Variants in TBC1D32 observed in about 807,000 individuals in gnomAD.
TBC1D32 encodes the protein protein broad-minded.
A neutral mutation model predicts 170.3 loss-of-function variants in TBC1D32; 151 were observed. The observed-to-expected ratio is 0.89, with a 90% CI of 0.78 to 1.01. TBC1D32 has a LOEUF of 1.01. TBC1D32 is among the 50% of genes least tolerant of loss of function. TBC1D32 has a pLI of 0.00. For missense variants in TBC1D32, 1,464 were observed against 1,457.1 expected (o/e 1.00, Z -0.08); for synonymous variants, 498 against 488.0 (o/e 1.02, Z -0.27).
In TBC1D32 at chr6:121,176,371, G is replaced by C. The variant is rs1787763787; in HGVS notation, c.2571-15315C>G. On this transcript the variant is annotated intron_variant, in intron 22 of 31. Transcript: ENST00000398212. ...AGAGAATTTCTAACCTGTTTGAACA[G>C]GAAGGGGGCCAATATAGCTGAAGTG... 2.0e-5 allele frequency among the ~76,000 whole-genome samples: 3 copies of C among 152,224 alleles called. No homozygotes were observed. The South Asian group carries it at 6.2e-4, about 32-fold the overall frequency.
chr6:121,115,225 C>G lies in TBC1D32; in HGVS notation c.3000G>C (p.Val1000=). ...SVEYTATDAN[V]KNESLSSVQQ... ...GCACAGATGAAAGACTTTCATTCTTCACATTTGCATCAGTAGCTAAAGACA... is the reference window on the plus strand; with the variant it reads ...GCACAGATGAAAGACTTTCATTCTTGACATTTGCATCAGTAGCTAAAGACA... Residue 1000 remains valine (V), a synonymous_variant, in exon 27 of 32, where the codon GTG becomes GTC. Transcript: ENST00000398212. The G allele has an allele frequency of 4.4e-6, 7 of 1,599,448 alleles. No individual in the cohort carries two copies. Among genetic ancestry groups the G allele is most frequent in the Non-Finnish European group, 6.0e-6 (7 of 1,171,274 alleles).
intron 22 of TBC1D32, among the ~76,000 whole-genome samples, chr6:121,183,369 A>G (rs887549103): frequency 6.6e-6 from 1 of 152,132 alleles, no homozygotes; most frequent in African/African-American, 2.4e-5. Context: ...TGAAGATGAT[A>G]AAGACATAAC....
chr6:121,174,189 A>G (rs1398671566), intron 22 of TBC1D32, among the ~76,000 whole-genome samples: 2 of 152,184 alleles, frequency 1.3e-5, no homozygotes, highest in Non-Finnish European at 2.9e-5. Flanking sequence ...AGTAAAAAAG[A>G]AAACAGATAC....
intron 10 of TBC1D32, among the ~76,000 whole-genome samples, chr6:121,298,260 A>C (rs1805953197): frequency 6.6e-6 from 1 of 152,130 alleles, no homozygotes; most frequent in Non-Finnish European, 1.5e-5. Context: ...TACATAAAAT[A>C]TTTGACTAAG....
intron 31 of TBC1D32, among the ~76,000 whole-genome samples, chr6:121,089,540 C>A (rs1377927908): frequency 1.3e-5 from 2 of 152,132 alleles, no homozygotes; most frequent in Admixed American, 1.3e-4. Context: ...TCCAAATCAC[C>A]TCTTAGAGAG....
chr6:121,155,016 A>C (rs192153542), intron 24 of TBC1D32, among the ~76,000 whole-genome samples: 4 of 152,162 alleles, frequency 2.6e-5, no homozygotes, highest in Non-Finnish European at 4.4e-5. Context: ...ATTTCAGAAT[A>C]CATATTTCTA....
intron 26 of TBC1D32, among the ~76,000 whole-genome samples, chr6:121,125,537 G>A (rs532346601): frequency 2.0e-5 from 3 of 151,902 alleles, no homozygotes; most frequent in Admixed American, 6.6e-5. Context: ...CTGCACAAGT[G>A]GGGGTAGTTC....
chr6:121,141,173 G>C (rs1782740294), intron 24 of TBC1D32, among the ~76,000 whole-genome samples: 1 of 152,064 alleles, frequency 6.6e-6, no homozygotes, highest in African/African-American at 2.4e-5. Context: ...TACTCTTAGA[G>C]AAATAAACAA....
chr6:121,307,343 T>C (rs983811947), intron 5 of TBC1D32, among the ~76,000 whole-genome samples: 7 of 151,918 alleles, frequency 4.6e-5, no homozygotes, highest in Non-Finnish European at 1.0e-4. Context: ...GCCACTACAC[T>C]CTAGCCTGAG....
intron 15 of TBC1D32, among the ~76,000 whole-genome samples, chr6:121,257,684 T>C (rs1043193996): frequency 2.0e-5 from 3 of 152,200 alleles, no homozygotes; most frequent in Admixed American, 1.3e-4. Context: ...AAGTGTATTT[T>C]TTGTTTGTTT....
Position 121,317,562 on chromosome 6 carries a change from A to G in TBC1D32, c.428T>C (p.Ile143Thr), listed in dbSNP as rs1393352392. 12 of 1,612,684 alleles carry G rather than the reference A, an allele frequency of 7.4e-6. No homozygotes were observed. The highest frequency in any genetic ancestry group is 9.3e-6 in the Non-Finnish European group (11 of 1,179,366). Residue 143 changes from isoleucine to threonine, a missense_variant, in exon 3 of 32, where the codon ATC (isoleucine) becomes ACC (threonine). Physicochemically the swap from Ile to Thr is moderately conservative, Grantham distance 89. Transcript: ENST00000398212. ...GTAACTATGGCTTTTCTCCTTTTGGATTTTTTTCTGCCTTTCTTGATTTCG... is the reference window on the plus strand; with the variant it reads ...GTAACTATGGCTTTTCTCCTTTTGGGTTTTTTTCTGCCTTTCTTGATTTCG... Reference protein sequence around the residue: ...ETRNQERQKKIQKEKSHSYRT... With the variant: ...ETRNQERQKKTQKEKSHSYRT...
chr6:121,309,701 T>C (rs1029650132), intron 4 of TBC1D32, among the ~76,000 whole-genome samples: 3 of 152,150 alleles, frequency 2.0e-5, no homozygotes, highest in African/African-American at 7.2e-5. Context: ...TCTCTTAAAA[T>C]ATAAACAGAC....
chr6:121,140,324 G>A (rs1582933302), intron 24 of TBC1D32, among the ~76,000 whole-genome samples: 1 of 133,488 alleles, frequency 7.5e-6, no homozygotes, highest in South Asian at 2.2e-4. Context: ...ATTACATCAG[G>A]TTGGGGCAAA....
chr6:121,281,583 T>C lies in TBC1D32; in HGVS notation c.1569A>G (p.Thr523=). The change falls in exon 14 of 32, where the codon ACA becomes ACG. Residue 523 remains threonine, a synonymous_variant. Transcript: ENST00000398212. ...TTAAATTGTGAATAGGCTGAAGAAG[T>C]GTCTCTATTACAATGTTGTTATATA... is the stretch of plus-strand genomic sequence containing the variant. ...ECLYNNIVIE[T]LLQPIHNLMK... The C allele has an allele frequency of 1.9e-6, 3 of 1,606,484 alleles. No homozygotes were observed. The highest frequency in any genetic ancestry group is 2.6e-6 in the Non-Finnish European group (3 of 1,175,892).
intron 15 of TBC1D32, among the ~76,000 whole-genome samples, chr6:121,260,259 T>G (rs1016595995): frequency 4.0e-5 from 6 of 151,660 alleles, no homozygotes; most frequent in African/African-American, 1.5e-4. Flanking sequence ...TGATGAGAAA[T>G]ACAGAAAGCA....
chr6:121,299,948 A>G (rs1806217052), intron 9 of TBC1D32, among the ~76,000 whole-genome samples: 1 of 152,180 alleles, frequency 6.6e-6, no homozygotes, highest in African/African-American at 2.4e-5. Context: ...CAGTACCCTA[A>G]TCATTTTCTG....
At chr6:121,267,690 G>A (rs148159471) in intron 15 of TBC1D32, among the ~76,000 whole-genome samples, 3,650 of 152,244 alleles carry the variant, frequency 0.024, 165 homozygotes, top group East Asian at 0.12. Flanking sequence ...CTGGGGACAG[G>A]GCATAGCTGA....
intron 9 of TBC1D32, among the ~76,000 whole-genome samples, chr6:121,302,714 GA>G (rs1319830741): frequency 3.3e-5 from 5 of 151,716 alleles, no homozygotes; most frequent in Non-Finnish European, 5.9e-5. Flanking sequence ...TGATAATCAA[GA>G]AAAAAATTTA....
intron 10 of TBC1D32, among the ~76,000 whole-genome samples, chr6:121,297,952 C>G (rs1318443614): frequency 6.6e-6 from 1 of 151,896 alleles, no homozygotes; most frequent in Non-Finnish European, 1.5e-5. Context: ...GCTAAACAGG[C>G]TGCTATGAGT....
Sources: allele counts gnomAD v4.1 joint callset (sites outside exome capture counted in the v4.1 genomes callset), GRCh38; gene constraint gnomAD v4.1.1; transcripts MANE v1.5; gene names NCBI Gene and HGNC (gene_info 2026-07-23, HGNC 2026-07-21).